ANXA10: variants seen among roughly 807,000 people sequenced by gnomAD.
The protein encoded by ANXA10 is annexin A10, also known as annexin 14.
In ANXA10, 49 loss-of-function variants were observed where a neutral mutation model predicts 53.5. That is an observed-to-expected ratio of 0.92 (90% CI 0.73 to 1.16). The LOEUF (loss-of-function observed/expected upper bound fraction) is 1.16, where lower values mean the gene tolerates loss of function less well. ANXA10 is among the 50% of genes most tolerant of loss of function. ANXA10 has a pLI of 0.00. For missense variants in ANXA10, 393 were observed against 394.4 expected, an observed-to-expected ratio of 1.00 and a Z score of 0.03; for synonymous variants, 131 against 128.9, an observed-to-expected ratio of 1.02 and a Z score of -0.11.
chr4:168,125,632 T>C (rs1579211245), intron 1 of ANXA10, among the ~76,000 whole-genome samples: 1 of 151,684 alleles, frequency 6.6e-6, no homozygotes, highest in South Asian at 2.1e-4. Flanking sequence ...TGATATGAGA[T>C]AGTAAAAATA....
intron 2 of ANXA10, among the ~76,000 whole-genome samples, chr4:168,134,150 G>A (rs1051693413): frequency 3.3e-5 from 5 of 151,952 alleles, no homozygotes; most frequent in African/African-American, 1.2e-4. Flanking sequence ...TAACATAACT[G>A]GGAATATCAA....
At chr4:168,142,403 C>T (rs191617444) in intron 3 of ANXA10, among the ~76,000 whole-genome samples, 1 of 152,252 alleles carries the variant, frequency 6.6e-6, no homozygotes, top group African/African-American at 2.4e-5. Context: ...CTGCCCCTCA[C>T]CACCAGTCAT....
chr4:168,156,331 T>TAA, intron 3 of ANXA10, among the ~76,000 whole-genome samples: 2 of 94,876 alleles, frequency 2.1e-5, no homozygotes, highest in Non-Finnish European at 4.3e-5. Flanking sequence ...ATATAATATA[T>TAA]TATATAGTAT....
At chr4:168,155,845 TATAATATATC>T (rs1731633203) in intron 3 of ANXA10, among the ~76,000 whole-genome samples, 2 of 23,378 alleles carry the variant, frequency 8.6e-5, no homozygotes, top group Non-Finnish European at 1.4e-4. Context: ...TCATATATAA[TATAATATATC>T]ATATATGATA....
chr4:168,182,317 A>AC, intron 10 of ANXA10, among the ~76,000 whole-genome samples: 1 of 42,318 alleles, frequency 2.4e-5, no homozygotes, highest in Non-Finnish European at 4.4e-5. Flanking sequence ...TTGGAGCATT[A>AC]ATTTTTTTTT....
intron 2 of ANXA10, among the ~76,000 whole-genome samples, chr4:168,136,581 C>T (rs753071645): frequency 9.2e-5 from 14 of 152,190 alleles, no homozygotes; most frequent in Non-Finnish European, 7.4e-5. Context: ...CTCCATGTCT[C>T]ATATCCAGGC....
intron 3 of ANXA10, among the ~76,000 whole-genome samples, chr4:168,152,807 T>A (rs1731520065): frequency 6.7e-6 from 1 of 148,596 alleles, no homozygotes; most frequent in South Asian, 2.1e-4. Context: ...ATTTAATATT[T>A]AATATATAAA....
At chr4:168,144,842 G>A (rs572094898) in intron 3 of ANXA10, among the ~76,000 whole-genome samples, 35 of 152,248 alleles carry the variant, frequency 2.3e-4, no homozygotes, top group African/African-American at 7.0e-4. Flanking sequence ...TATTGTAATC[G>A]CCCAGTGGTT....
In ANXA10 at chr4:168,184,654, T is replaced by C. The variant is rs757899155; in HGVS notation, c.879T>C (p.Tyr293=). The stretch of plus-strand genomic sequence containing the variant: ...TAAGGAAACGATACAAAGAGCGATA[T>C]GGAAAATCCCTATTTCATGATATCA... ...LTIRKRYKER[Y]GKSLFHDIRN... Residue 293 remains tyrosine, a synonymous_variant, in exon 11 of 12, where the codon TAT becomes TAC. Coordinates refer to ENST00000359299, the MANE Select transcript of ANXA10 (RefSeq NM_007193.5). 7 of 1,613,964 alleles carry C rather than the reference T, an allele frequency of 4.3e-6. No individual in the cohort carries two copies. The highest frequency in any genetic ancestry group is 5.1e-6 in the Non-Finnish European group (6 of 1,179,976).
intron 2 of ANXA10, among the ~76,000 whole-genome samples, chr4:168,131,351 T>C (rs1240698372): frequency 1.3e-5 from 2 of 152,020 alleles, no homozygotes; most frequent in Non-Finnish European, 2.9e-5. Flanking sequence ...GTATGTTTTT[T>C]ATTATTTTAA....
intron 3 of ANXA10, among the ~76,000 whole-genome samples, chr4:168,145,725 A>C (rs190020855): frequency 3.3e-5 from 5 of 152,304 alleles, no homozygotes; most frequent in Admixed American, 2.0e-4. Context: ...TCATTTTCCA[A>C]GAAATTGAAA....
At chr4:168,156,191 T>TATATATTATATATATA (rs1731664934) in intron 3 of ANXA10, among the ~76,000 whole-genome samples, 1 of 28,938 alleles carries the variant, frequency 3.5e-5, no homozygotes, top group African/African-American at 1.5e-4. Context: ...TATTATATAT[T>TATATATTATATATATA]ATATATAATA....
At chr4:168,099,236 A>G (rs1730600752) in intron 1 of ANXA10, among the ~76,000 whole-genome samples, 1 of 151,994 alleles carries the variant, frequency 6.6e-6, no homozygotes, top group Non-Finnish European at 1.5e-5. Context: ...TTATTGTTCA[A>G]CCCTTTGGAG....
intron 1 of ANXA10, among the ~76,000 whole-genome samples, chr4:168,115,514 C>T (rs1400560392): frequency 1.3e-5 from 2 of 151,062 alleles, no homozygotes; most frequent in African/African-American, 4.9e-5. Context: ...CACACACACA[C>T]ACACACACAC....
chr4:168,092,703 GT>G lies in ANXA10; in HGVS notation c.7del (p.Cys3ValfsTer18), dbSNP rs752202055. Reference sequence around the variant, plus strand: ...TGAGGTTAACAATTACCATCAAAATGTTTTGTGGAGACTATGTGAGTATAAT... The same window carrying G: ...TGAGGTTAACAATTACCATCAAAATGTTTGTGGAGACTATGTGAGTATAAT... Reference protein sequence around the residue: MFCGDYVQGTIF... With the variant: MXCGDYVQGTIF... On this transcript the variant is annotated frameshift_variant, in exon 1 of 12. Coordinates refer to ENST00000359299, the MANE Select transcript of ANXA10 (RefSeq NM_007193.5). LOFTEE classifies it high-confidence loss of function. 15 of 1,593,126 alleles carry G rather than the reference GT, an allele frequency of 9.4e-6. No individual in the cohort carries two copies. Among genetic ancestry groups the G allele is most frequent in the Non-Finnish European group, 8.5e-6 (10 of 1,170,924 alleles).
intron 3 of ANXA10, among the ~76,000 whole-genome samples, chr4:168,142,525 C>T (rs775103576): frequency 6.6e-6 from 1 of 152,170 alleles, no homozygotes; most frequent in Non-Finnish European, 1.5e-5. Flanking sequence ...TCGAGTGGAA[C>T]AGACTTGGGC....
intron 1 of ANXA10, among the ~76,000 whole-genome samples, chr4:168,093,776 A>C (rs1253414103): frequency 6.6e-6 from 1 of 152,146 alleles, no homozygotes; most frequent in Non-Finnish European, 1.5e-5. Context: ...TACTCATACA[A>C]AGTAATCAAT....
At chr4:168,153,422 C>CAAAAAAAAAAAAAAAAAAACA in intron 3 of ANXA10, among the ~76,000 whole-genome samples, 1 of 43,508 alleles carries the variant, frequency 2.3e-5, no homozygotes, top group East Asian at 5.0e-4. Flanking sequence ...AAGCCTAAAG[C>CAAAAAAAAAAAAAAAAAAACA]AAAAAAAAAA....
intron 1 of ANXA10, among the ~76,000 whole-genome samples, chr4:168,096,775 A>G (rs1730547489): frequency 6.6e-6 from 1 of 151,802 alleles, no homozygotes; most frequent in Admixed American, 6.6e-5. Flanking sequence ...CATCCCAAAA[A>G]GATGAGCTAT....
Sources: allele counts gnomAD v4.1 joint callset (sites outside exome capture counted in the v4.1 genomes callset), GRCh38; gene constraint gnomAD v4.1.1; transcripts MANE v1.5; gene names NCBI Gene and HGNC (gene_info 2026-07-23, HGNC 2026-07-21).